Variants in TBCD observed in about 807,000 individuals in gnomAD.
TBCD encodes the protein tubulin folding cofactor D.
TBCD carries 105 observed loss-of-function variants against 169.3 expected under a neutral mutation model. That is an observed-to-expected ratio of 0.62 (90% CI 0.53 to 0.73). TBCD has a LOEUF of 0.73. Ranked by LOEUF, TBCD falls within the 30% of genes least tolerant of loss-of-function variation. The pLI, the probability that TBCD is intolerant of heterozygous loss-of-function variation, is 0.00. For synonymous variants in TBCD, 700 were observed against 643.9 expected (o/e 1.09, Z -1.32); for missense variants, 1,444 against 1,600.1 (o/e 0.90, Z 1.66).
In TBCD at chr17:82,937,927, C is replaced by T. The variant is rs1435483149; in HGVS notation, c.3282-122C>T. On this transcript the variant is annotated intron_variant, in intron 35 of 38. Transcript: ENST00000355528. Reference sequence around the variant, plus strand: ...CACACCTCCGGCTTGGGGCCCCAGGCCCGCACTGTGCTCACGGATCTGCTC... The same window carrying T: ...CACACCTCCGGCTTGGGGCCCCAGGTCCGCACTGTGCTCACGGATCTGCTC... 3.2e-6 allele frequency: 5 copies of T among 1,539,192 alleles called. No homozygotes were observed. In the East Asian group the frequency reaches 7.3e-5, roughly 23 times the overall value.
chr17:82,891,330 G>A (rs969529175), intron 16 of TBCD, among the ~76,000 whole-genome samples: 7 of 152,364 alleles, frequency 4.6e-5, no homozygotes, highest in Middle Eastern at 3.4e-3. Flanking sequence ...GGATATTCCC[G>A]TGGGTGCGGG....
At chr17:82,781,889 C>T (rs1242391157) in intron 7 of TBCD, among the ~76,000 whole-genome samples, 168 bp downstream of exon 7, 1 of 152,174 alleles carries the variant, frequency 6.6e-6, no homozygotes, top group Admixed American at 6.5e-5. Flanking sequence ...TGCTTTGGGT[C>T]CTGCCTCAGG....
intron 21 of TBCD, 117 bp from the exon 22 acceptor site, chr17:82,909,168 T>C (rs1179580825): frequency 1.2e-6 from 1 of 854,008 alleles, no homozygotes. Context: ...GCGGCTCTCC[T>C]GGCTGGCATG....
At chr17:82,859,557 C>G (rs1201259513) in intron 13 of TBCD, 1 of 985,342 alleles carries the variant, frequency 1.0e-6, no homozygotes, top group Non-Finnish European at 1.2e-6. Context: ...GCTGTGACTT[C>G]AGGGCTACGG....
intron 17 of TBCD, among the ~76,000 whole-genome samples, chr17:82,898,783 T>A (rs1372503308): frequency 1.3e-5 from 2 of 152,252 alleles, no homozygotes; most frequent in Non-Finnish European, 2.9e-5. Flanking sequence ...TAGAGATTAT[T>A]GTTTAAAAGT....
At chr17:82,813,999 A>C (rs2051664024) in intron 12 of TBCD, among the ~76,000 whole-genome samples, 1 of 152,224 alleles carries the variant, frequency 6.6e-6, no homozygotes, top group Non-Finnish European at 1.5e-5. Flanking sequence ...GTTTTCCTAA[A>C]CATTTATTTG....
chr17:82,861,047 G>A (rs1031240841), intron 13 of TBCD, among the ~76,000 whole-genome samples: 13 of 152,140 alleles, frequency 8.5e-5, no homozygotes, highest in Admixed American at 3.9e-4. Flanking sequence ...ACCGCGGCCC[G>A]TTGCAAGAAG....
rs763403013 is a variant in TBCD at position 82,768,593 on chromosome 17, C to G, written c.582+27C>G. ...TAAATATCATGCAGATAATTAGCTG[C>G]TAATTAGTACTCACTTTCATGTTCA... On this transcript the variant is annotated intron_variant, in intron 5 of 38. Coordinates refer to ENST00000355528, the MANE Select transcript of TBCD (RefSeq NM_005993.5). 8 of 1,608,764 alleles carry G rather than the reference C, an allele frequency of 5.0e-6. No individual in the cohort carries two copies. In the Admixed American group the frequency reaches 1.3e-4, roughly 27 times the overall value.
chr17:82,863,366 G>A (rs2056924109), intron 13 of TBCD, among the ~76,000 whole-genome samples: 1 of 152,212 alleles, frequency 6.6e-6, no homozygotes, highest in Non-Finnish European at 1.5e-5. Flanking sequence ...GCCAAGCGGT[G>A]TCTGTACAGG....
At chr17:82,934,206 G>C (rs1222007038) in intron 34 of TBCD, among the ~76,000 whole-genome samples, 1 of 152,198 alleles carries the variant, frequency 6.6e-6, no homozygotes, top group Non-Finnish European at 1.5e-5. Context: ...TCTCACCACG[G>C]GCTTCCCGCT....
At chr17:82,933,951 G>A (rs2147406048) in intron 34 of TBCD, among the ~76,000 whole-genome samples, 1 of 152,378 alleles carries the variant, frequency 6.6e-6, no homozygotes, top group South Asian at 2.1e-4. Flanking sequence ...ACCCAGAGCT[G>A]TGCTGGTCTC....
At chr17:82,836,996 G>A (rs572668470) in intron 13 of TBCD, among the ~76,000 whole-genome samples, 1 of 152,158 alleles carries the variant, frequency 6.6e-6, no homozygotes, top group African/African-American at 2.4e-5. Context: ...ATGGAGTCTC[G>A]GGCAGTGGTT....
At chr17:82,896,879 G>A (rs990840552) in intron 17 of TBCD, among the ~76,000 whole-genome samples, 2 of 152,040 alleles carry the variant, frequency 1.3e-5, no homozygotes, top group African/African-American at 4.8e-5. Flanking sequence ...GGGGGTGTTG[G>A]TCTTTCAAGC....
chr17:82,799,795 C>T (rs1181249136), intron 8 of TBCD, among the ~76,000 whole-genome samples: 2 of 152,258 alleles, frequency 1.3e-5, no homozygotes, highest in African/African-American at 4.8e-5. Context: ...CCCTCTTGGG[C>T]TGTCGTGCTT....
rs542979996 is a variant in TBCD at position 82,859,587 on chromosome 17, G to A, written c.1319-10637G>A. ...CTACGGAAGTTGCTCTGTGGTTTCCGGCACTGCAGACTCCAAGTGTGAGCC... is the reference window on the plus strand; with the variant it reads ...CTACGGAAGTTGCTCTGTGGTTTCCAGCACTGCAGACTCCAAGTGTGAGCC... On this transcript the variant is annotated intron_variant, in intron 13 of 38. Transcript: ENST00000355528. 36 of 985,454 alleles carry A rather than the reference G, an allele frequency of 3.7e-5. No individual in the cohort carries two copies. In the South Asian group the frequency reaches 1.1e-3, roughly 30 times the overall value. The allele number at this position is 985,454 out of a possible 1,614,324, so 61.0% of individuals were successfully genotyped here.
chr17:82,810,748 G>T (rs1310604363), intron 12 of TBCD, among the ~76,000 whole-genome samples: 1 of 152,234 alleles, frequency 6.6e-6, no homozygotes, highest in Non-Finnish European at 1.5e-5. Context: ...CCCCGGGCGT[G>T]CTGTTGCTCT....
Position 82,752,224 on chromosome 17 carries a change from G to A in TBCD, c.31G>A (p.Gly11Ser), listed in dbSNP as rs1044663167. ...CCTGAGCGACGAACCGGCCGCGGGC[G>A]GCCCCGAGGAGGAGGCGGAGGACGA... MALSDEPAAG[G>S]PEEEAEDETL... The change falls in exon 1 of 39, where the codon GGC (glycine) becomes AGC (serine). Residue 11 changes from glycine (G) to serine (S), a missense_variant. Physicochemically the swap from Gly to Ser is moderately conservative, Grantham distance 56. Coordinates refer to ENST00000355528, the MANE Select transcript of TBCD (RefSeq NM_005993.5). 1.3e-6 allele frequency: 2 copies of A among 1,524,842 alleles called. No individual in the cohort carries two copies. The highest frequency in any genetic ancestry group is 2.0e-5 in the Admixed American group (1 of 49,212). 94.5% of individuals were successfully genotyped at this position (1,524,842 alleles called of 1,614,324 possible). A position where few individuals can be genotyped will look rare whatever the true frequency, so the allele number is the denominator to read the frequency against.
chr17:82,802,322 T>C (rs1485358252), intron 9 of TBCD, among the ~76,000 whole-genome samples: 1 of 151,984 alleles, frequency 6.6e-6, no homozygotes, highest in Non-Finnish European at 1.5e-5. Flanking sequence ...TAAGGTCAGC[T>C]CACACTCCGT....
At chr17:82,825,822 G>A (rs752378837) in intron 13 of TBCD, among the ~76,000 whole-genome samples, 3 of 152,214 alleles carry the variant, frequency 2.0e-5, no homozygotes, top group African/African-American at 7.2e-5. Flanking sequence ...TTACAGGGCT[G>A]GGCGCCATGT....
Sources: allele counts gnomAD v4.1 joint callset (sites outside exome capture counted in the v4.1 genomes callset), GRCh38; gene constraint gnomAD v4.1.1; transcripts MANE v1.5; gene names NCBI Gene and HGNC (gene_info 2026-07-23, HGNC 2026-07-21).